KIAA0586: variants seen among roughly 807,000 people sequenced by gnomAD.
KIAA0586 encodes KIAA0586, also known as protein TALPID3.
Under a neutral mutation model 169.8 loss-of-function variants are expected in KIAA0586, and 144 were observed. That is an observed-to-expected ratio of 0.85 (90% CI 0.74 to 0.97). The LOEUF (loss-of-function observed/expected upper bound fraction) is 0.97, where lower values mean the gene tolerates loss of function less well. KIAA0586 is among the 50% of genes least tolerant of loss of function. The pLI is 0.00. For synonymous variants in KIAA0586, 625 were observed against 612.4 expected (o/e 1.02, Z -0.30); for missense variants, 1,854 against 1,823.0 (o/e 1.02, Z -0.31).
intron 4 of KIAA0586, among the ~76,000 whole-genome samples, chr14:58,442,200 C>T (rs2140536470): frequency 6.6e-6 from 1 of 152,156 alleles, no homozygotes; most frequent in South Asian, 2.1e-4. Flanking sequence ...ACCTTCGCCT[C>T]CTGGGTTCTA....
At chr14:58,552,890 A>G (rs1481248563), downstream of KIAA0586, among the ~76,000 whole-genome samples, 10 of 152,234 alleles carry the variant, frequency 6.6e-5, no homozygotes, top group Admixed American at 6.5e-4. Flanking sequence ...TTGAGTTGGC[A>G]TCTTGTATCC....
chr14:58,484,974 GC>G (rs1250226172), intron 21 of KIAA0586, among the ~76,000 whole-genome samples: 1 of 98,168 alleles, frequency 1.0e-5, no homozygotes, highest in Non-Finnish European at 1.9e-5. Context: ...TGCTCATGTC[GC>G]CCAGGCTGGA....
At position 58,427,938 on chromosome 14, in the gene KIAA0586, C is replaced by G. The variant is rs972202347; in HGVS notation, c.-327C>G. On this transcript the variant is annotated 5_prime_UTR_variant, in exon 1 of 31. Transcript: ENST00000652326. ...TCAACAAATTTTAAGCCCGCCACTA[C>G]ATGTGTTTGGTTTTGCCCTACCAGC... 7.2e-7 allele frequency: 1 copy of G among 1,379,364 alleles called. No homozygotes were observed. The highest frequency in any genetic ancestry group is 1.5e-5 in the African/African-American group (1 of 68,622). The allele number at this position is 1,379,364 out of a possible 1,614,324, so 85.4% of individuals were successfully genotyped here.
Position 58,445,559 on chromosome 14 carries a change from G to A in KIAA0586, c.807+1384G>A, listed in dbSNP as rs370720537. Among the ~76,000 whole-genome samples the A allele has an allele frequency of 1.4e-3, 215 of 151,130 alleles. 1 individual carries two copies. The highest frequency in any genetic ancestry group is 2.5e-3 in the South Asian group (12 of 4,792). ...AGTGATTTTCATGCTTCAGCTACCCGAGTAGCTGGGATTGCCAGCCTGCGC... is the reference window on the plus strand; with the variant it reads ...AGTGATTTTCATGCTTCAGCTACCCAAGTAGCTGGGATTGCCAGCCTGCGC... On this transcript the variant is annotated intron_variant, in intron 6 of 30. Coordinates refer to ENST00000652326, the MANE Select transcript of KIAA0586 (RefSeq NM_001329943.3).
intron 25 of KIAA0586, among the ~76,000 whole-genome samples, chr14:58,491,765 C>T (rs2042848299): frequency 6.6e-6 from 1 of 152,222 alleles, no homozygotes; most frequent in Non-Finnish European, 1.5e-5. Flanking sequence ...GCTTTGCCCC[C>T]ATTGCCACAC....
intron 26 of KIAA0586, among the ~76,000 whole-genome samples, chr14:58,497,465 T>G (rs918144319): frequency 2.6e-5 from 4 of 151,458 alleles, no homozygotes; most frequent in Non-Finnish European, 5.9e-5. Flanking sequence ...TTTCAAGTGA[T>G]TTTCCTGCCT....
chr14:58,516,827 A>T (rs940119254), intron 29 of KIAA0586, among the ~76,000 whole-genome samples: 1 of 152,232 alleles, frequency 6.6e-6, no homozygotes, highest in Non-Finnish European at 1.5e-5. Context: ...TTCAAAAAAA[A>T]AGTCCACACA....
In KIAA0586 at chr14:58,459,919, T is replaced by A; in HGVS notation, c.1733T>A (p.Met578Lys). The A allele has an allele frequency of 6.5e-7, 1 of 1,533,750 alleles. No homozygotes were observed. The highest frequency in any genetic ancestry group is 1.2e-5 in the South Asian group (1 of 83,930). Residue 578 changes from methionine to lysine, a missense_variant, in exon 13 of 31, where the codon ATG (methionine) becomes AAG (lysine). Met to Lys is a moderately conservative substitution (Grantham distance 95). Coordinates refer to ENST00000652326, the MANE Select transcript of KIAA0586 (RefSeq NM_001329943.3). ...CAGAGAACCAAGAAAGGTCAGAATA[T>A]GACTAAAGATATTAGAACCAACACA... ...KNQRTKKGQN[M>K]TKDIRTNTQD...
At chr14:58,516,602 T>G (rs1157322847) in intron 29 of KIAA0586, among the ~76,000 whole-genome samples, 1 of 152,178 alleles carries the variant, frequency 6.6e-6, no homozygotes, top group African/African-American at 2.4e-5. Flanking sequence ...CAGTGCAATC[T>G]CAAAAACATT....
At chr14:58,539,272 G>T (rs1048080428) in intron 29 of KIAA0586, among the ~76,000 whole-genome samples, 1 of 149,110 alleles carries the variant, frequency 6.7e-6, no homozygotes, top group Non-Finnish European at 1.5e-5. Flanking sequence ...AATAAATGAA[G>T]CTTAAGAGAT....
chr14:58,429,384 C>T lies in KIAA0586; in HGVS notation c.221C>T (p.Ala74Val). 1 of 1,597,512 alleles carries T rather than the reference C, an allele frequency of 6.3e-7. No homozygotes were observed. The highest frequency in any genetic ancestry group is 8.6e-7 in the Non-Finnish European group (1 of 1,165,180). The change falls in exon 2 of 31, where the codon GCT becomes GTT. Residue 74 changes from alanine (A) to valine (V), a missense_variant. Transcript: ENST00000652326. The stretch of plus-strand genomic sequence containing the variant: ...TTAGGTTCATCAGACTTAACTTCTG[C>T]TAGAAATTGTTACCAGCCTCTATTA... ...TSRGSSDLTS[A>V]RNCYQPLLEN...
At chr14:58,515,142 T>C (rs1358037208) in intron 29 of KIAA0586, among the ~76,000 whole-genome samples, 3 of 152,106 alleles carry the variant, frequency 2.0e-5, no homozygotes, top group East Asian at 3.8e-4. Flanking sequence ...ATAAGTCATA[T>C]GTTTTATGGT....
At chr14:58,451,190 C>T (rs564729109) in intron 8 of KIAA0586, among the ~76,000 whole-genome samples, 24 of 151,764 alleles carry the variant, frequency 1.6e-4, no homozygotes, top group South Asian at 1.3e-3. Flanking sequence ...GGGGTTTCAC[C>T]GTGTTAGCCA....
chr14:58,470,264 A>G (rs2041106168), intron 16 of KIAA0586, among the ~76,000 whole-genome samples: 2 of 152,126 alleles, frequency 1.3e-5, no homozygotes, highest in Non-Finnish European at 2.9e-5. Context: ...CAAAAGCATG[A>G]TAAGTGTTTA....
intron 27 of KIAA0586, among the ~76,000 whole-genome samples, chr14:58,507,165 G>GTGTA (rs149555738): frequency 2.9e-5 from 4 of 139,176 alleles, no homozygotes; most frequent in Non-Finnish European, 6.1e-5. Flanking sequence ...AAAAAAAAGT[G>GTGTA]TATATATATA....
intron 4 of KIAA0586, among the ~76,000 whole-genome samples, chr14:58,434,455 T>G (rs2037643365): frequency 6.6e-6 from 1 of 152,208 alleles, no homozygotes; most frequent in African/African-American, 2.4e-5. Flanking sequence ...AAACAGATTA[T>G]GATCATGCTA....
chr14:58,486,216 T>C (rs1042293338), intron 21 of KIAA0586, among the ~76,000 whole-genome samples: 1 of 152,196 alleles, frequency 6.6e-6, no homozygotes, highest in African/African-American at 2.4e-5. Context: ...GTTTTTTTCT[T>C]CCTCTGTTTG....
intron 19 of KIAA0586, among the ~76,000 whole-genome samples, chr14:58,476,480 C>T (rs1192053741): frequency 2.0e-5 from 3 of 152,066 alleles, no homozygotes; most frequent in African/African-American, 7.2e-5. Flanking sequence ...TTTATGTGTG[C>T]ACTCAGAGTG....
chr14:58,445,120 C>G (rs1460309892), intron 6 of KIAA0586, among the ~76,000 whole-genome samples: 3 of 145,720 alleles, frequency 2.1e-5, no homozygotes, highest in Non-Finnish European at 3.0e-5. Context: ...TACACACACA[C>G]ATACATACAC....
Sources: gnomAD v4.1 joint callset for allele counts (sites outside exome capture counted in the v4.1 genomes callset) on GRCh38, gnomAD v4.1.1 for gene constraint, MANE v1.5 for transcripts, NCBI Gene and HGNC (gene_info 2026-07-23, HGNC 2026-07-21) for gene names.